The following PRIM2 variants were observed in gnomAD, a reference collection of about 807,000 sequenced individuals.
PRIM2 encodes DNA primase large subunit.
PRIM2 carries 39 observed loss-of-function variants against 67.3 expected under a neutral mutation model. That is an observed-to-expected ratio of 0.58 (90% CI 0.45 to 0.76). The LOEUF (loss-of-function observed/expected upper bound fraction) is 0.76. Ranked by LOEUF, PRIM2 falls within the 30% of genes least tolerant of loss-of-function variation. The pLI is 0.00. For missense variants in PRIM2, 398 were observed against 598.7 expected (o/e 0.66, Z 3.50); for synonymous variants, 143 against 198.7 (o/e 0.72, Z 2.36).
At chr6:57,451,828 A>C (rs1772562890) in intron 7 of PRIM2, among the ~76,000 whole-genome samples, 1 of 147,350 alleles carries the variant, frequency 6.8e-6, no homozygotes, top group Non-Finnish European at 1.5e-5. Context: ...CATGTGCACT[A>C]TGTGCAGGTT....
chr6:57,514,682 A>G (rs1355933019), intron 8 of PRIM2, among the ~76,000 whole-genome samples: 2 of 152,038 alleles, frequency 1.3e-5, no homozygotes, highest in African/African-American at 2.4e-5. Flanking sequence ...GAAAATGTTA[A>G]TGCCTTCTTA....
chr6:57,345,474 A>ATGTG lies in PRIM2; in HGVS notation c.459+19459_459+19462dup, dbSNP rs754685184. On this transcript the variant is annotated intron_variant, in intron 5 of 13. Coordinates refer to ENST00000615550, the MANE Select transcript of PRIM2 (RefSeq NM_000947.5). ...GAGCCACCATGCCTGATATATATATATGTGTGTGTGTGTGTGTGTGTGTGT... is the reference window on the plus strand; with the variant it reads ...GAGCCACCATGCCTGATATATATATATGTGTGTGTGTGTGTGTGTGTGTGTGTGT... 1.5e-3 allele frequency among the ~76,000 whole-genome samples: 186 copies of ATGTG among 124,650 alleles called. 1 individual carries two copies. Among genetic ancestry groups the ATGTG allele is most frequent in the Middle Eastern group, 7.5e-3 (2 of 268 alleles). 81.8% of individuals were successfully genotyped at this position (124,650 alleles called of 152,430 possible).
At chr6:57,299,955 A>G in the PRIM2 span, among the ~76,000 whole-genome samples, 7 of 152,198 alleles carry the variant, frequency 4.6e-5, no homozygotes, top group Non-Finnish European at 8.8e-5. Flanking sequence ...ACCACTTGGC[A>G]AATCCACAGA....
At chr6:57,494,362 T>G (rs1207003871) in intron 7 of PRIM2, among the ~76,000 whole-genome samples, 4 of 152,216 alleles carry the variant, frequency 2.6e-5, no homozygotes, top group African/African-American at 7.2e-5. Flanking sequence ...TTTTTCACTT[T>G]TAGACCAGCA....
chr6:57,617,469 A>G (rs1289304321), intron 12 of PRIM2, among the ~76,000 whole-genome samples: 3 of 152,188 alleles, frequency 2.0e-5, no homozygotes, highest in Non-Finnish European at 4.4e-5. Context: ...ATGCAGTGAT[A>G]TCTCATTGTG....
intron 7 of PRIM2, among the ~76,000 whole-genome samples, chr6:57,485,416 T>C (rs1300932342): frequency 6.6e-6 from 1 of 152,172 alleles, no homozygotes; most frequent in Non-Finnish European, 1.5e-5. Flanking sequence ...CTATTCTTTG[T>C]CCATGTAAGA....
intron 10 of PRIM2, among the ~76,000 whole-genome samples, chr6:57,561,617 T>C (rs1581991235): frequency 2.0e-5 from 3 of 152,228 alleles, no homozygotes; most frequent in South Asian, 4.1e-4. Context: ...TCCTCTGGAT[T>C]AGGCTTTCAC....
chr6:57,281,826 T>G, the PRIM2 span, among the ~76,000 whole-genome samples: 3 of 152,162 alleles, frequency 2.0e-5, no homozygotes, highest in African/African-American at 7.2e-5. Flanking sequence ...TGCAGGCATT[T>G]CTCCTTATGT....
intron 7 of PRIM2, among the ~76,000 whole-genome samples, chr6:57,392,643 T>C (rs894058748): frequency 6.6e-6 from 1 of 151,932 alleles, no homozygotes; most frequent in African/African-American, 2.4e-5. Flanking sequence ...TATTCGTTTT[T>C]TTTTTGTGGA....
At chr6:57,301,480 T>G in the PRIM2 span, among the ~76,000 whole-genome samples, 5 of 151,874 alleles carry the variant, frequency 3.3e-5, no homozygotes, top group Non-Finnish European at 5.9e-5. Context: ...AGAGCAAAAT[T>G]CCATCTCAAA....
chr6:57,631,944 C>T (rs1217350439), intron 12 of PRIM2, among the ~76,000 whole-genome samples, 189 bp from the exon 13 acceptor site: 1 of 152,162 alleles, frequency 6.6e-6, no homozygotes, highest in Non-Finnish European at 1.5e-5. Flanking sequence ...TAATGCTGAC[C>T]TAAACCACTA....
the PRIM2 span, among the ~76,000 whole-genome samples, chr6:57,227,999 A>G: frequency 6.6e-6 from 1 of 152,230 alleles, no homozygotes; most frequent in African/African-American, 2.4e-5. Flanking sequence ...TTTTGTGCTT[A>G]AAGTTATTTT....
At chr6:57,342,344 TTGCATC>T (rs921197227) in intron 5 of PRIM2, among the ~76,000 whole-genome samples, 1 of 152,228 alleles carries the variant, frequency 6.6e-6, no homozygotes, top group African/African-American at 2.4e-5. Context: ...GGTGACTATT[TTGCATC>T]TCCCACTGCT....
chr6:57,592,888 C>T (rs1279383456), intron 10 of PRIM2, among the ~76,000 whole-genome samples: 11 of 151,964 alleles, frequency 7.2e-5, no homozygotes, highest in African/African-American at 2.7e-4. Flanking sequence ...CTGTCCATGT[C>T]AGCAAAGAGA....
chr6:57,456,199 C>A (rs1257219111), intron 7 of PRIM2, among the ~76,000 whole-genome samples: 5 of 152,150 alleles, frequency 3.3e-5, no homozygotes, highest in African/African-American at 1.2e-4. Flanking sequence ...CCCGACCTTT[C>A]TCTCTGGCTG....
At chr6:57,453,260 G>A (rs1186444237) in intron 7 of PRIM2, among the ~76,000 whole-genome samples, 1 of 152,180 alleles carries the variant, frequency 6.6e-6, no homozygotes, top group African/African-American at 2.4e-5. Context: ...GATTCACTTT[G>A]CAATGTGGGT....
intron 12 of PRIM2, among the ~76,000 whole-genome samples, chr6:57,631,221 A>C (rs1467456612): frequency 2.0e-5 from 3 of 152,194 alleles, no homozygotes; most frequent in Non-Finnish European, 4.4e-5. Flanking sequence ...TTGTGACAGG[A>C]AGATCAGCCT....
In PRIM2 at chr6:57,331,191, A is replaced by G. The variant is rs547344697; in HGVS notation, c.459+5146A>G. On this transcript the variant is annotated intron_variant, in intron 5 of 13. Coordinates refer to ENST00000615550, the MANE Select transcript of PRIM2 (RefSeq NM_000947.5). ...CAAAAGAGTGAGACTTTGTCTCAGA[A>G]AAAAAAAAAAAAAAGTTCTGTTACA... Among the ~76,000 whole-genome samples, 583 of 148,156 alleles carry G rather than the reference A, an allele frequency of 3.9e-3. 3 individuals are homozygous for G. Among genetic ancestry groups the G allele is most frequent in the African/African-American group, 0.014 (547 of 40,110 alleles).
At chr6:57,410,921 T>G (rs1771068085) in intron 7 of PRIM2, among the ~76,000 whole-genome samples, 1 of 152,156 alleles carries the variant, frequency 6.6e-6, no homozygotes, top group South Asian at 2.1e-4. Context: ...TGTTTCTCGT[T>G]TGCTTTTTTT....
Sources: gnomAD v4.1 joint callset for allele counts (sites outside exome capture counted in the v4.1 genomes callset) on GRCh38, gnomAD v4.1.1 for gene constraint, MANE v1.5 for transcripts, NCBI Gene and HGNC (gene_info 2026-07-23, HGNC 2026-07-21) for gene names.